PCDHA1: variants seen among roughly 807,000 people sequenced by gnomAD.
The protein encoded by PCDHA1 is protocadherin alpha-1.
In PCDHA1, 42 loss-of-function variants were observed where a neutral mutation model predicts 61.3. That is an observed-to-expected ratio of 0.69 (90% CI 0.54 to 0.89). PCDHA1 has a LOEUF of 0.89. PCDHA1 is among the 40% of genes least tolerant of loss of function. The pLI is 0.00. For synonymous variants in PCDHA1, 610 were observed against 553.8 expected, an observed-to-expected ratio of 1.10 and a Z score of -1.43; for missense variants, 1,256 against 1,235.3, an observed-to-expected ratio of 1.02 and a Z score of -0.25.
rs782153371 is a variant in PCDHA1, at chr5:140,807,406, CCTT to C, written c.2394+18725_2394+18727del. 30 of 1,545,960 alleles carry C rather than the reference CCTT, an allele frequency of 1.9e-5. 3 individuals are homozygous for C. In the Admixed American group the frequency reaches 2.8e-4, roughly 15 times the overall value. On this transcript the variant is annotated intron_variant, in intron 1 of 3. Transcript: ENST00000504120. ...GGGTGGCGTCCAAGGGCCGCGGAGG[CCTT>C]CTGGAGGTAAATCTGCAGAATGGCA...
chr5:140,953,517 A>G (rs1554220954), intron 1 of PCDHA1, among the ~76,000 whole-genome samples: 1 of 152,168 alleles, frequency 6.6e-6, no homozygotes, highest in African/African-American at 2.4e-5. Flanking sequence ...CAAAGCAACA[A>G]AAACGGGAAA....
chr5:140,801,588 C>T lies in PCDHA1; in HGVS notation c.2394+12904C>T, dbSNP rs782429900. 4.3e-6 allele frequency: 7 copies of T among 1,614,062 alleles called. No individual in the cohort carries two copies. The Admixed American group carries it at 8.3e-5, about 19-fold the overall frequency. ...AGTGAAGGACATTAATGACAACGCG[C>T]CAGTTTTTCCAATGGCTGTAAAGAA... On this transcript the variant is annotated intron_variant, in intron 1 of 3. Transcript: ENST00000504120.
chr5:140,857,603 C>T lies in PCDHA1; in HGVS notation c.2394+68919C>T, dbSNP rs547758195. The T allele has an allele frequency of 1.4e-5, 22 of 1,596,384 alleles. 1 individual carries two copies. The highest frequency in any genetic ancestry group is 1.3e-4 in the South Asian group (12 of 90,484). On this transcript the variant is annotated intron_variant, in intron 1 of 3. Transcript: ENST00000504120. ...CGCGGAGAGCGGCAAGGTGTACGCG[C>T]TGCAGCCGCTGGACCACGAGGAGCT...
intron 1 of PCDHA1, among the ~76,000 whole-genome samples, chr5:140,898,790 AT>A (rs1193457354): frequency 2.6e-5 from 4 of 152,112 alleles, no homozygotes; most frequent in African/African-American, 7.2e-5. Flanking sequence ...CAGTATGGCC[AT>A]TTTCACGATA....
Position 140,843,241 on chromosome 5 carries a change from G to A in PCDHA1, c.2394+54557G>A, listed in dbSNP as rs2150355764. ...GCACCACTCGTGTCCTGGACGAAGC[G>A]GACTCTCCGCGCCACCGTCTGCTGG... On this transcript the variant is annotated intron_variant, in intron 1 of 3. Transcript: ENST00000504120. 3.1e-6 allele frequency: 5 copies of A among 1,595,826 alleles called. 1 individual carries two copies. The highest frequency in any genetic ancestry group is 2.7e-5 in the African/African-American group (2 of 74,416).
At chr5:140,831,833 A>G (rs2150197532) in intron 1 of PCDHA1, among the ~76,000 whole-genome samples, 10 of 152,180 alleles carry the variant, frequency 6.6e-5, no homozygotes, top group Non-Finnish European at 7.3e-5. Context: ...ACTAGTTTCA[A>G]TGATAGAATT....
At chr5:140,975,553 G>T (rs990389718) in intron 1 of PCDHA1, among the ~76,000 whole-genome samples, 2 of 152,226 alleles carry the variant, frequency 1.3e-5, no homozygotes, top group Non-Finnish European at 2.9e-5. Context: ...TATTAGGAAG[G>T]AAAAGGAGAT....
chr5:140,871,145 C>G, intron 1 of PCDHA1: 1 of 1,613,418 alleles, frequency 6.2e-7, no homozygotes, highest in Non-Finnish European at 8.5e-7. Flanking sequence ...TCTTCCCGGA[C>G]TTTGGCGGGC....
rs1210767626 is a variant in PCDHA1 at position 141,010,197 on chromosome 5, C to T, written c.*260C>T. 1 of 1,552,200 alleles carries T rather than the reference C, an allele frequency of 6.4e-7. No homozygotes were observed. The highest frequency in any genetic ancestry group is 1.2e-5 in the South Asian group (1 of 84,134). On this transcript the variant is annotated 3_prime_UTR_variant, in exon 4 of 4. Coordinates refer to ENST00000504120, the MANE Select transcript of PCDHA1 (RefSeq NM_018900.4). ...AAAAGCAGACCCAAGTTTCCTTTCT[C>T]CTCCGCCGCAAAGGAGAGGCTTCCC...
At chr5:140,882,864 C>G in intron 1 of PCDHA1, 2 of 1,614,200 alleles carry the variant, frequency 1.2e-6, no homozygotes, top group Non-Finnish European at 8.5e-7. Context: ...CTGAGGAAAA[C>G]ACTGGACAGA....
chr5:140,912,163 G>T (rs1018826504), intron 1 of PCDHA1, among the ~76,000 whole-genome samples: 4 of 152,092 alleles, frequency 2.6e-5, no homozygotes, highest in African/African-American at 9.7e-5. Context: ...TTTTATTCTG[G>T]CTGTGCTGGC....
rs528715520 is a variant in PCDHA1 at position 140,788,280 on chromosome 5, A to G, written c.1990A>G (p.Thr664Ala). Residue 664 changes from threonine (T) to alanine (A), a missense_variant, in exon 1 of 4, where the codon ACT (threonine) becomes GCT (alanine). Thr to Ala is a moderately conservative substitution (Grantham distance 58). Transcript: ENST00000504120. ...HGEPALTATATVLVSLVESGQ... is the reference protein window; with the variant it reads ...HGEPALTATAAVLVSLVESGQ... ...TGAGCCGGCGCTGACAGCCACGGCCACTGTGCTTGTATCTCTGGTGGAGAG... is the reference window on the plus strand; with the variant it reads ...TGAGCCGGCGCTGACAGCCACGGCCGCTGTGCTTGTATCTCTGGTGGAGAG... 41 of 1,614,004 alleles carry G rather than the reference A, an allele frequency of 2.5e-5. No individual in the cohort carries two copies. Among genetic ancestry groups the G allele is most frequent in the East Asian group, 1.3e-4 (6 of 44,878 alleles).
intron 1 of PCDHA1, among the ~76,000 whole-genome samples, chr5:140,899,225 A>G (rs1479429839): frequency 6.6e-6 from 1 of 152,038 alleles, no homozygotes; most frequent in African/African-American, 2.4e-5. Flanking sequence ...TTCCAACACT[A>G]TGTTGAATAG....
intron 1 of PCDHA1, chr5:140,860,038 C>T (rs1333374793): frequency 6.6e-6 from 1 of 151,844 alleles, no homozygotes; most frequent in African/African-American, 2.4e-5. Context: ...CCTGTAATCC[C>T]AGCATTTTGA....
At chr5:140,813,646 C>CTAA (rs1354512334) in intron 1 of PCDHA1, 2 of 152,114 alleles carry the variant, frequency 1.3e-5, no homozygotes, top group Admixed American at 1.3e-4. Flanking sequence ...TTACTGTGCA[C>CTAA]TAATGTAGAC....
chr5:140,943,751 T>C (rs947548745), intron 1 of PCDHA1, among the ~76,000 whole-genome samples: 1 of 152,048 alleles, frequency 6.6e-6, no homozygotes, highest in South Asian at 2.1e-4. Flanking sequence ...CTAAAAGCAG[T>C]AGGAGATGTA....
Position 140,787,388 on chromosome 5 carries a change from C to T in PCDHA1, c.1098C>T (p.Ser366=). The T allele has an allele frequency of 6.2e-7, 1 of 1,614,244 alleles. No homozygotes were observed. The highest frequency in any genetic ancestry group is 2.2e-5 in the East Asian group (1 of 44,882). Residue 366 remains serine, a synonymous_variant, in exon 1 of 4, where the codon AGC becomes AGT. Transcript: ENST00000504120. ...YLPIREDAPL[S]TVIALITVSD... ...CTATCAGAGAGGACGCTCCACTCAG[C>T]ACCGTCATCGCCCTCATCACCGTGT...
intron 1 of PCDHA1, among the ~76,000 whole-genome samples, chr5:140,826,052 T>C (rs2150142347): frequency 8.5e-5 from 13 of 152,216 alleles, no homozygotes; most frequent in Non-Finnish European, 1.8e-4. Flanking sequence ...GCTTTGCCTG[T>C]TTCTTTTATT....
chr5:140,966,363 G>A (rs1476634162), intron 1 of PCDHA1: 3 of 402,216 alleles, frequency 7.5e-6, no homozygotes, highest in Admixed American at 4.4e-5. Flanking sequence ...GGGCTGGAGA[G>A]GCTGAGCAGT....
Sources: gnomAD v4.1 joint callset for allele counts (sites outside exome capture counted in the v4.1 genomes callset) on GRCh38, gnomAD v4.1.1 for gene constraint, MANE v1.5 for transcripts, NCBI Gene and HGNC (gene_info 2026-07-23, HGNC 2026-07-21) for gene names.